Variants in CEP76 observed in about 807,000 individuals in gnomAD.
The protein encoded by CEP76 is centrosomal protein of 76 kDa.
In CEP76, 55 loss-of-function variants were observed where a neutral mutation model predicts 83.3. The observed-to-expected ratio is 0.66, with a 90% confidence interval of 0.53 to 0.83. The LOEUF (loss-of-function observed/expected upper bound fraction) is 0.83. CEP76 is among the 40% of genes least tolerant of loss of function. The probability of loss-of-function intolerance (pLI) is 0.00; values close to 1 mark genes in which losing one functional copy is unlikely to be tolerated. For synonymous variants in CEP76, 270 were observed against 274.5 expected, an observed-to-expected ratio of 0.98 and a Z score of 0.16; for missense variants, 694 against 799.5, an observed-to-expected ratio of 0.87 and a Z score of 1.59.
chr18:12,683,548 C>T (rs1214048326), intron 8 of CEP76, among the ~76,000 whole-genome samples: 1 of 151,826 alleles, frequency 6.6e-6, no homozygotes, highest in African/African-American at 2.4e-5. Context: ...GTCAGGAGTT[C>T]GAGACCAGCC....
chr18:12,702,310 G>A (rs527768360), intron 1 of CEP76, 176 bp downstream of exon 1: 2 of 555,400 alleles, frequency 3.6e-6, no homozygotes. Context: ...TTCTTTCTCG[G>A]AGACGAGGAC....
downstream of CEP76, chr18:12,670,924 T>C (rs908976758): frequency 2.0e-5 from 3 of 152,070 alleles, no homozygotes; most frequent in Middle Eastern, 3.2e-3. Context: ...ACTGGAATTA[T>C]AGGTGTGAAC....
rs760800287 is a variant in CEP76 at position 12,701,074 on chromosome 18, T to C, written c.103A>G (p.Thr35Ala). 1.2e-6 allele frequency: 2 copies of C among 1,613,598 alleles called. No individual in the cohort carries two copies. The highest frequency in any genetic ancestry group is 1.7e-5 in the Admixed American group (1 of 59,968). The change falls in exon 2 of 12, where the codon ACT becomes GCT. Residue 35 changes from threonine to alanine, a missense_variant. Coordinates refer to ENST00000262127, the MANE Select transcript of CEP76 (RefSeq NM_024899.4). ...TCAGGTGCCAATTCTTCCCGTATAGTCTCAGCAAGGATTTCTCTTATTCTA... is the reference window on the plus strand; with the variant it reads ...TCAGGTGCCAATTCTTCCCGTATAGCCTCAGCAAGGATTTCTCTTATTCTA... ...HGRIREILAE[T>A]IREELAPDQQ...
chr18:12,699,176 A>G lies in CEP76; in HGVS notation c.323T>C (p.Leu108Pro). ...KTNIDPTRRY[L>P]YLQVLGGKAF... ...TTTTCCACCCAAAACCTGAAGGTAA[A>G]GATACCTCCGTGTTGGATCAATATT... Residue 108 changes from leucine to proline, a missense_variant, in exon 4 of 12, where the codon CTT becomes CCT. Physicochemically the swap from Leu to Pro is moderately conservative, Grantham distance 98. Transcript: ENST00000262127. 1 of 1,613,742 alleles carries G rather than the reference A, an allele frequency of 6.2e-7. No individual in the cohort carries two copies. The highest frequency in any genetic ancestry group is 8.5e-7 in the Non-Finnish European group (1 of 1,179,636).
At chr18:12,694,916 C>A (rs1598656654) in intron 6 of CEP76, among the ~76,000 whole-genome samples, 2 of 151,628 alleles carry the variant, frequency 1.3e-5, no homozygotes, top group East Asian at 3.9e-4. Context: ...GGGGTTTCAC[C>A]GTGTTAGCCA....
intron 8 of CEP76, among the ~76,000 whole-genome samples, chr18:12,682,928 A>C (rs916065660): frequency 6.6e-6 from 1 of 152,094 alleles, no homozygotes; most frequent in Non-Finnish European, 1.5e-5. Flanking sequence ...GGCTTAATCA[A>C]CCTTTTAGAC....
At chr18:12,688,228 C>CAAAAAAA (rs11337170) in intron 7 of CEP76, among the ~76,000 whole-genome samples, 6 of 94,048 alleles carry the variant, frequency 6.4e-5, no homozygotes, top group African/African-American at 1.2e-4. Flanking sequence ...GACTCCATCT[C>CAAAAAAA]AAAAAAAAAA....
intron 1 of CEP76, 81 bp downstream of exon 1, chr18:12,702,405 G>T: frequency 9.3e-7 from 1 of 1,077,622 alleles, no homozygotes; most frequent in Non-Finnish European, 1.4e-6. Flanking sequence ...AGCAGATGCC[G>T]CTGTCGGCCC....
chr18:12,674,441 TA>T (rs34769779), intron 11 of CEP76, 94 bp downstream of exon 11: 186,658 of 706,234 alleles, frequency 0.26, 1,459 homozygotes, highest in Non-Finnish European at 0.27. Flanking sequence ...GACCTTGAGT[TA>T]AAAAAAAAAA....
intron 10 of CEP76, 67 bp downstream of exon 10, chr18:12,678,041 CA>C (rs1260682909): frequency 7.8e-7 from 1 of 1,283,754 alleles, no homozygotes; most frequent in Non-Finnish European, 1.1e-6. Context: ...CTATCACACA[CA>C]CCAAAAAACA....
intron 1 of CEP76, 71 bp downstream of exon 1, chr18:12,702,415 C>T: frequency 1.6e-6 from 2 of 1,234,498 alleles, no homozygotes; most frequent in Non-Finnish European, 2.4e-6. Context: ...GCTGTCGGCC[C>T]GGGGCCGCCG....
At chr18:12,679,425 G>A (rs1419109299) in intron 9 of CEP76, 4 of 152,194 alleles carry the variant, frequency 2.6e-5, no homozygotes, top group Non-Finnish European at 2.9e-5. Context: ...AAGCACACTA[G>A]CAGGCACGAA....
At chr18:12,662,913 G>GTGA (rs1283108520) in intron 12 of CEP76, among the ~76,000 whole-genome samples, 13 of 152,218 alleles carry the variant, frequency 8.5e-5, no homozygotes, top group Non-Finnish European at 1.5e-4. Flanking sequence ...CCTACTTAAT[G>GTGA]TGATTCTCCT....
intron 6 of CEP76, among the ~76,000 whole-genome samples, chr18:12,694,868 G>A (rs1280880544): frequency 6.6e-6 from 1 of 151,490 alleles, no homozygotes; most frequent in East Asian, 1.9e-4. Context: ...CTGCCACCAC[G>A]CCCGGCTATT....
Position 12,678,322 on chromosome 18 carries a change from T to C in CEP76, c.1410A>G (p.Gln470=), listed in dbSNP as rs766876816. ...FNHQMFLGNC[Q]PSDAVETCVF... is the part of the protein sequence containing the mutation. ...CACAGGTTTCTACTGCATCAGAGGG[T>C]TGACAATTTCCCAGGAACATCTGAT... Residue 470 remains glutamine, a synonymous_variant, in exon 10 of 12, where the codon CAA becomes CAG. Coordinates refer to ENST00000262127, the MANE Select transcript of CEP76 (RefSeq NM_024899.4). 1.9e-6 allele frequency: 3 copies of C among 1,613,994 alleles called. No individual in the cohort carries two copies. The highest frequency in any genetic ancestry group is 1.7e-5 in the Admixed American group (1 of 59,976).
chr18:12,667,846 TC>T (rs1473544664), downstream of CEP76, among the ~76,000 whole-genome samples: 3 of 125,380 alleles, frequency 2.4e-5, no homozygotes, highest in South Asian at 2.3e-4. Flanking sequence ...TGCTTTCTGA[TC>T]CTTTTTTTTT....
At chr18:12,676,380 C>T (rs1190158106) in intron 10 of CEP76, among the ~76,000 whole-genome samples, 3 of 149,476 alleles carry the variant, frequency 2.0e-5, no homozygotes, top group Non-Finnish European at 4.4e-5. Context: ...GCCTCCCCGG[C>T]TCCTTTCACC....
At position 12,699,107 on chromosome 18, in the gene CEP76, TGTCCAGGTAAAG is replaced by T; in HGVS notation, c.380_391del (p.Pro127_Gly130del). 6.2e-7 allele frequency: 1 copy of T among 1,614,130 alleles called. No individual in the cohort carries two copies. Among genetic ancestry groups the T allele is most frequent in the Non-Finnish European group, 8.5e-7 (1 of 1,180,006 alleles). Reference sequence around the variant, plus strand: ...ACATAAAGTAAACGTTGAACAAACTTGTCCAGGTAAAGGCTCAGGTTCTTGCAGATGTTCCAA... The same window carrying T: ...ACATAAAGTAAACGTTGAACAAACTTGCTCAGGTTCTTGCAGATGTTCCAA... On this transcript the variant is annotated inframe_deletion, in exon 4 of 12. Coordinates refer to ENST00000262127, the MANE Select transcript of CEP76 (RefSeq NM_024899.4).
chr18:12,686,313 T>A lies in CEP76; in HGVS notation c.1071A>T (p.Gly357=). The change falls in exon 8 of 12, where the codon GGA becomes GGT. Residue 357 remains glycine, a synonymous_variant. Coordinates refer to ENST00000262127, the MANE Select transcript of CEP76 (RefSeq NM_024899.4). ...GAGTGCACCACTGCTCCTGTTTACC[T>A]CCTCCTCCAATAACAGGGGCTCGTT... ...GYERAPVIGG[G]GKQEQWCTLL... 1 of 1,614,006 alleles carries A rather than the reference T, an allele frequency of 6.2e-7. No homozygotes were observed.
Sources: allele counts gnomAD v4.1 joint callset (sites outside exome capture counted in the v4.1 genomes callset), GRCh38; gene constraint gnomAD v4.1.1; transcripts MANE v1.5; gene names NCBI Gene and HGNC (gene_info 2026-07-23, HGNC 2026-07-21).